Variants in CBX5 observed in about 807,000 individuals in gnomAD.
The protein encoded by CBX5 is chromobox protein homolog 5.
CBX5 carries 7 observed loss-of-function variants against 20.7 expected under a neutral mutation model. The ratio of observed to expected loss-of-function variants is 0.34; its 90% CI spans 0.19 to 0.63. The LOEUF (loss-of-function observed/expected upper bound fraction) is 0.63. CBX5 is among the 30% of genes least tolerant of loss of function. The pLI is 0.75. For synonymous variants in CBX5, 78 were observed against 77.0 expected (o/e 1.01, Z -0.07); for missense variants, 110 against 224.1 (o/e 0.49, Z 3.25).
Position 54,232,967 on chromosome 12 carries a change from G to C in CBX5, c.*8788C>G, listed in dbSNP as rs1468827944. Reference sequence around the variant, plus strand: ...ACAATGAATAAGAACCTTTTCCCCAGTGGTGGTTCTTGGTAGCGCTCTTAT... The same window carrying C: ...ACAATGAATAAGAACCTTTTCCCCACTGGTGGTTCTTGGTAGCGCTCTTAT... On this transcript the variant is annotated 3_prime_UTR_variant, in exon 5 of 5. Coordinates refer to ENST00000209875, the MANE Select transcript of CBX5 (RefSeq NM_012117.3). 6.7e-6 allele frequency: 1 copy of C among 149,540 alleles called. No homozygotes were observed. The highest frequency in any genetic ancestry group is 1.5e-5 in the Non-Finnish European group (1 of 67,570). 9.3% of individuals were successfully genotyped at this position (149,540 alleles called of 1,614,324 possible).
At position 54,238,436 on chromosome 12, in the gene CBX5, A is replaced by G. The variant is rs1943644814; in HGVS notation, c.*3319T>C. 1.3e-5 allele frequency: 2 copies of G among 152,226 alleles called. No homozygotes were observed. Among genetic ancestry groups the G allele is most frequent in the South Asian group, 4.1e-4 (2 of 4,824 alleles). The allele number at this position is 152,226 out of a possible 1,614,324, so 9.4% of individuals were successfully genotyped here. A position where few individuals can be genotyped will look rare whatever the true frequency, so the allele number is the denominator to read the frequency against. ...ATAGAAAACATAACTAAAAAAGTAG[A>G]AGACACTGTTAAATTTGAATCTGGA... On this transcript the variant is annotated 3_prime_UTR_variant, in exon 5 of 5. Transcript: ENST00000209875.
intron 1 of CBX5, among the ~76,000 whole-genome samples, chr12:54,264,540 T>C (rs1246312394): frequency 2.0e-5 from 3 of 152,214 alleles, no homozygotes; most frequent in Non-Finnish European, 4.4e-5. Context: ...CTAAGCTTTC[T>C]TCTTATTAAG....
At chr12:54,273,588 T>C (rs1490653631) in intron 1 of CBX5, 2 of 152,194 alleles carry the variant, frequency 1.3e-5, no homozygotes, top group African/African-American at 4.8e-5. Context: ...TTAATTGCAA[T>C]CATATGTATC....
intron 1 of CBX5, among the ~76,000 whole-genome samples, chr12:54,279,560 C>T (rs755672765): frequency 1.3e-5 from 2 of 152,190 alleles, no homozygotes; most frequent in Non-Finnish European, 2.9e-5. Context: ...CTGGTCCCAG[C>T]GCTTTCCTTA....
At position 54,254,187 on chromosome 12, in the gene CBX5, G is replaced by A. The variant is rs932711286; in HGVS notation, c.138-1960C>T. ...AGTACTTTGGGAGGCTGAAGCAGTCGGGCATGGTGGCACCTGCCTGTAATC... is the reference window on the plus strand; with the variant it reads ...AGTACTTTGGGAGGCTGAAGCAGTCAGGCATGGTGGCACCTGCCTGTAATC... On this transcript the variant is annotated intron_variant, in intron 2 of 4. Transcript: ENST00000209875. 9.9e-5 allele frequency among the ~76,000 whole-genome samples: 15 copies of A among 151,864 alleles called. No individual in the cohort carries two copies. The Middle Eastern group carries it at 0.017, about 172-fold the overall frequency.
rs1314922858 is a variant in CBX5, at chr12:54,239,840, TTA to T, written c.*1913_*1914del. On this transcript the variant is annotated 3_prime_UTR_variant, in exon 5 of 5. Transcript: ENST00000209875. ...TATGCAGTATAATTTTTGACATAAT[TTA>T]TATAAGCACACAGAATTCAATCAGC... The T allele has an allele frequency of 6.6e-6, 1 of 152,214 alleles. No homozygotes were observed. Among genetic ancestry groups the T allele is most frequent in the Non-Finnish European group, 1.5e-5 (1 of 68,044 alleles). The allele number at this position is 152,214 out of a possible 1,614,324, so 9.4% of individuals were successfully genotyped here.
chr12:54,255,529 A>G (rs1057268450), intron 2 of CBX5: 2 of 148,698 alleles, frequency 1.3e-5, no homozygotes, highest in African/African-American at 5.0e-5. Context: ...ACTGAGCTCC[A>G]GCGTGGGCGA....
chr12:54,279,865 C>T (rs1284780766), intron 1 of CBX5, 143 bp downstream of exon 1: 1 of 152,734 alleles, frequency 6.5e-6, no homozygotes, highest in Non-Finnish European at 1.5e-5. Context: ...ATCCCGCCCC[C>T]TGTTCTTCTA....
rs540038066 is a variant in CBX5, at chr12:54,267,673, G to A, written c.-42-9981C>T. Among the ~76,000 whole-genome samples the A allele has an allele frequency of 2.8e-4, 43 of 152,048 alleles. 1 individual carries two copies. In the East Asian group the frequency reaches 6.8e-3, roughly 24 times the overall value. On this transcript the variant is annotated intron_variant, in intron 1 of 4. Coordinates refer to ENST00000209875, the MANE Select transcript of CBX5 (RefSeq NM_012117.3). ...ACTACAGGCGCCCGCCACCACGCCC[G>A]GCTAATTTTTTTTGTGTATTTTTAG...
chr12:54,241,938 A>G (rs1943680227), intron 4 of CBX5, 33 bp from the exon 5 acceptor site: 2 of 1,599,430 alleles, frequency 1.3e-6, no homozygotes, highest in Non-Finnish European at 1.7e-6. Flanking sequence ...TTAAAAGGAG[A>G]GGAAGAGTGA....
chr12:54,262,060 G>A (rs1277476539), intron 1 of CBX5, among the ~76,000 whole-genome samples: 1 of 152,210 alleles, frequency 6.6e-6, no homozygotes, highest in Non-Finnish European at 1.5e-5. Flanking sequence ...CAGTGTCTTT[G>A]TTAACTAGGC....
At chr12:54,245,357 T>C (rs1943723479) in intron 4 of CBX5, among the ~76,000 whole-genome samples, 1 of 152,178 alleles carries the variant, frequency 6.6e-6, no homozygotes, top group African/African-American at 2.4e-5. Flanking sequence ...TGATATGTAG[T>C]ACTATAATTT....
intron 4 of CBX5, among the ~76,000 whole-genome samples, chr12:54,244,205 C>T (rs143991498): frequency 0.017 from 2,504 of 150,666 alleles, 66 homozygotes; most frequent in African/African-American, 0.058. Flanking sequence ...GGGGTTTCAC[C>T]GTGTTAGCCA....
Position 54,269,745 on chromosome 12 carries a change from G to C in CBX5, c.-43+10263C>G, listed in dbSNP as rs114463947. ...ATCTAAAAATCCCTTTTCCTTAATAGAGATAGGGCTAGTAAGGTTCTGACG... is the reference window on the plus strand; with the variant it reads ...ATCTAAAAATCCCTTTTCCTTAATACAGATAGGGCTAGTAAGGTTCTGACG... On this transcript the variant is annotated intron_variant, in intron 1 of 4. Transcript: ENST00000209875. Among the ~76,000 whole-genome samples the C allele has an allele frequency of 4.5e-3, 681 of 152,222 alleles. 6 individuals carry two copies. Among genetic ancestry groups the C allele is most frequent in the African/African-American group, 0.016 (651 of 41,504 alleles).
chr12:54,244,874 C>T (rs1048227015), intron 4 of CBX5, among the ~76,000 whole-genome samples: 3 of 152,076 alleles, frequency 2.0e-5, no homozygotes, highest in African/African-American at 7.2e-5. Flanking sequence ...AGACATTATT[C>T]AGCAGGTTTG....
At position 54,232,694 on chromosome 12, in the gene CBX5, C is replaced by A. The variant is rs1943580634; in HGVS notation, c.*9061G>T. On this transcript the variant is annotated 3_prime_UTR_variant, in exon 5 of 5. Coordinates refer to ENST00000209875, the MANE Select transcript of CBX5 (RefSeq NM_012117.3). ...TAATTCAATAACTGAAGGGTATTAA[C>A]TGAGGGCCTATTATTTATCTAGTAT... 1 of 151,718 alleles carries A rather than the reference C, an allele frequency of 6.6e-6. No homozygotes were observed. Among genetic ancestry groups the A allele is most frequent in the African/African-American group, 2.4e-5 (1 of 41,260 alleles). The allele number at this position is 151,718 out of a possible 1,614,324, so 9.4% of individuals were successfully genotyped here. A position where few individuals can be genotyped will look rare whatever the true frequency, so the allele number is the denominator to read the frequency against.
At chr12:54,259,555 C>T (rs568241823) in intron 1 of CBX5, 1 of 152,814 alleles carries the variant, frequency 6.5e-6, no homozygotes, top group South Asian at 2.1e-4. Flanking sequence ...CAGGAGGGGC[C>T]TCCCCTCCCA....
At chr12:54,269,324 T>G (rs1192444825) in intron 1 of CBX5, among the ~76,000 whole-genome samples, 2 of 152,190 alleles carry the variant, frequency 1.3e-5, no homozygotes, top group Non-Finnish European at 2.9e-5. Flanking sequence ...AAGAGTTTGT[T>G]GTATAAAATT....
At chr12:54,263,762 C>CAAAAAAAAAAAAAAAAAAAAAA (rs66591051) in intron 1 of CBX5, among the ~76,000 whole-genome samples, 3 of 37,856 alleles carry the variant, frequency 7.9e-5, no homozygotes, top group Non-Finnish European at 1.5e-4. Context: ...GACTCTATCT[C>CAAAAAAAAAAAAAAAAAAAAAA]AAAAAAAAAA....
Sources: gnomAD v4.1 joint callset for allele counts (sites outside exome capture counted in the v4.1 genomes callset) on GRCh38, gnomAD v4.1.1 for gene constraint, MANE v1.5 for transcripts, NCBI Gene and HGNC (gene_info 2026-07-23, HGNC 2026-07-21) for gene names.